The following UNC13B variants were observed in gnomAD, a reference collection of about 807,000 sequenced individuals.
The protein encoded by UNC13B is protein unc-13 homolog B.
In UNC13B, 144 loss-of-function variants were observed where a neutral mutation model predicts 211.0. That is an observed-to-expected ratio of 0.68 (90% CI 0.60 to 0.78). The LOEUF (loss-of-function observed/expected upper bound fraction) is 0.78. Among genes scored for constraint, UNC13B ranks in the 30% least tolerant of loss-of-function variants. UNC13B has a pLI of 0.00. For synonymous variants in UNC13B, 709 were observed against 725.8 expected, an observed-to-expected ratio of 0.98 and a Z score of 0.37; for missense variants, 1,777 against 2,002.0, an observed-to-expected ratio of 0.89 and a Z score of 2.14.
Position 35,236,518 on chromosome 9 carries a change from G to A in UNC13B, c.202G>A (p.Gly68Arg). ...TCTAAGTGTGGAGGTATGGAACAAA[G>A]GACTGATCTGGGACACCATGGTGGG... is the stretch of plus-strand genomic sequence containing the variant. ...LGLSVEVWNK[G>R]LIWDTMVGTV... is the part of the protein sequence containing the mutation. Residue 68 changes from glycine (G) to arginine (R), a missense_variant, in exon 4 of 40, where the codon GGA (glycine) becomes AGA (arginine). Coordinates refer to ENST00000635942, the MANE Select transcript of UNC13B (RefSeq NM_001371189.2). The A allele has an allele frequency of 6.2e-7, 1 of 1,614,098 alleles. No individual in the cohort carries two copies. Among genetic ancestry groups the A allele is most frequent in the East Asian group, 2.2e-5 (1 of 44,884 alleles).
Position 35,310,548 on chromosome 9 carries a change from C to T in UNC13B, c.9090C>T (p.His3030=), listed in dbSNP as rs368657999. 4.6e-5 allele frequency: 75 copies of T among 1,613,986 alleles called. No homozygotes were observed. The highest frequency in any genetic ancestry group is 1.7e-4 in the Admixed American group (10 of 59,974). Residue 3030 remains histidine (H), a synonymous_variant, in exon 10 of 40, where the codon CAC becomes CAT. Coordinates refer to ENST00000635942, the MANE Select transcript of UNC13B (RefSeq NM_001371189.2). ...AGCTAAGTGAACTAGACCAGTATCACGAACAAGATGACGACCATCGGGAGA... is the reference window on the plus strand; with the variant it reads ...AGCTAAGTGAACTAGACCAGTATCATGAACAAGATGACGACCATCGGGAGA... The part of the protein sequence containing the change: ...SSQLSELDQY[H]EQDDDHRETD...
intron 26 of UNC13B, among the ~76,000 whole-genome samples, chr9:35,391,815 A>G (rs1334441121): frequency 1.3e-5 from 2 of 152,194 alleles, no homozygotes; most frequent in Non-Finnish European, 2.9e-5. Context: ...TTCAAACAGA[A>G]GTATCTTAGG....
chr9:35,304,267 A>T lies in UNC13B; in HGVS notation c.4863A>T (p.Glu1621Asp). ...CTTTAGCTTTGCCAAGAAGTGAGGA[A>T]CCATTGTATCTAAATTTAGAAACCT... ...DLSLALPRSE[E>D]PLYLNLETFS... Residue 1621 changes from glutamate (E) to aspartate (D), a missense_variant, in exon 9 of 40, where the codon GAA becomes GAT. Transcript: ENST00000635942. The T allele has an allele frequency of 2.5e-6, 1 of 398,738 alleles. No individual in the cohort carries two copies. The highest frequency in any genetic ancestry group is 4.4e-6 in the Non-Finnish European group (1 of 225,874). 24.7% of individuals were successfully genotyped at this position (398,738 alleles called of 1,614,324 possible).
chr9:35,336,570 C>T (rs990574876), intron 11 of UNC13B, among the ~76,000 whole-genome samples: 3 of 152,118 alleles, frequency 2.0e-5, no homozygotes, highest in African/African-American at 7.2e-5. Flanking sequence ...GATCATGGCT[C>T]ACTGCTGCCT....
chr9:35,322,338 C>T (rs987562887), intron 11 of UNC13B, among the ~76,000 whole-genome samples: 2 of 151,898 alleles, frequency 1.3e-5, no homozygotes, highest in African/African-American at 4.8e-5. Context: ...ACGGAGATTG[C>T]GGTGGCAGCG....
chr9:35,314,920 C>A (rs756371208), intron 11 of UNC13B, among the ~76,000 whole-genome samples: 7 of 115,292 alleles, frequency 6.1e-5, no homozygotes, highest in Non-Finnish European at 1.2e-4. Flanking sequence ...GGTCTTGCTC[C>A]TTTGCCCAGC....
intron 5 of UNC13B, among the ~76,000 whole-genome samples, chr9:35,242,402 A>G (rs1825859965): frequency 6.6e-6 from 1 of 152,236 alleles, no homozygotes; most frequent in Admixed American, 6.5e-5. Flanking sequence ...GAACTTTTTC[A>G]CCTTGCAAAA....
intron 11 of UNC13B, among the ~76,000 whole-genome samples, chr9:35,348,123 A>G (rs1832484162): frequency 6.6e-6 from 1 of 152,196 alleles, no homozygotes; most frequent in Non-Finnish European, 1.5e-5. Context: ...TTATGTCTGC[A>G]GTATTGATCT....
At chr9:35,355,693 T>G (rs1489098792) in intron 11 of UNC13B, among the ~76,000 whole-genome samples, 1 of 152,232 alleles carries the variant, frequency 6.6e-6, no homozygotes, top group East Asian at 1.9e-4. Context: ...TTACCTATTC[T>G]TCAACATATA....
chr9:35,354,123 A>T (rs904239668), intron 11 of UNC13B, among the ~76,000 whole-genome samples: 11 of 152,184 alleles, frequency 7.2e-5, no homozygotes, highest in Non-Finnish European at 1.5e-4. Context: ...TCTGGAGCAG[A>T]AGTAGTTTGC....
At chr9:35,172,737 A>G (rs7047305) in intron 1 of UNC13B, among the ~76,000 whole-genome samples, 1,817 of 152,328 alleles carry the variant, frequency 0.012, 37 homozygotes, top group African/African-American at 0.041. Context: ...AGAAAGGCCA[A>G]TAGAATCAAA....
Position 35,398,299 on chromosome 9 carries a change from G to A in UNC13B, c.11832+11G>A. 1 of 1,611,884 alleles carries A rather than the reference G, an allele frequency of 6.2e-7. No individual in the cohort carries two copies. The highest frequency in any genetic ancestry group is 8.5e-7 in the Non-Finnish European group (1 of 1,178,412). On this transcript the variant is annotated intron_variant, in intron 31 of 39. Coordinates refer to ENST00000635942, the MANE Select transcript of UNC13B (RefSeq NM_001371189.2). ...ATGGGAGGCAAGGAGGTAGGTCTTA[G>A]GGTTTGGGAGTCACTGTATTTTCCC...
chr9:35,217,897 A>G (rs1824346696), intron 1 of UNC13B, among the ~76,000 whole-genome samples: 1 of 152,124 alleles, frequency 6.6e-6, no homozygotes, highest in Non-Finnish European at 1.5e-5. Context: ...TAAAAAAATT[A>G]GCCAGGCGTG....
intron 4 of UNC13B, among the ~76,000 whole-genome samples, chr9:35,236,933 C>A (rs1825546577): frequency 6.6e-6 from 1 of 152,076 alleles, no homozygotes; most frequent in Non-Finnish European, 1.5e-5. Context: ...GGGAGGAGTC[C>A]CATTAAACTT....
chr9:35,366,827 C>A, intron 11 of UNC13B, 120 bp from the exon 12 acceptor site: 1 of 815,472 alleles, frequency 1.2e-6, no homozygotes, highest in Non-Finnish European at 2.1e-6. Context: ...GACAGGCTGT[C>A]ACCACATGGT....
Position 35,235,469 on chromosome 9 carries a change from G to A in UNC13B, c.153-1000G>A, listed in dbSNP as rs753471619. ...CGCCCCGCCCCGGCTTTTTTGGTGG[G>A]GATGGAGTCTGGCTCTGTCACTCAG... On this transcript the variant is annotated intron_variant, in intron 3 of 39. Transcript: ENST00000635942. Among the ~76,000 whole-genome samples, 26 of 151,776 alleles carry A rather than the reference G, an allele frequency of 1.7e-4. No homozygotes were observed. The Middle Eastern group carries it at 0.014, about 79-fold the overall frequency.
chr9:35,281,713 G>A (rs944406485), intron 7 of UNC13B, among the ~76,000 whole-genome samples: 1 of 152,182 alleles, frequency 6.6e-6, no homozygotes, highest in Non-Finnish European at 1.5e-5. Flanking sequence ...GTATAGAATA[G>A]TTACGCTGCC....
chr9:35,396,962 C>G (rs752921758), intron 28 of UNC13B, 25 bp downstream of exon 28: 1 of 1,613,034 alleles, frequency 6.2e-7, no homozygotes, highest in East Asian at 2.2e-5. Flanking sequence ...TTGGCTGCAC[C>G]GGGTTCAGGC....
chr9:35,335,875 T>A (rs1831625509), intron 11 of UNC13B, among the ~76,000 whole-genome samples: 1 of 152,082 alleles, frequency 6.6e-6, no homozygotes, highest in Non-Finnish European at 1.5e-5. Flanking sequence ...GGCTAATTTT[T>A]AAATTTTTCT....
Sources: allele counts gnomAD v4.1 joint callset (sites outside exome capture counted in the v4.1 genomes callset), GRCh38; gene constraint gnomAD v4.1.1; transcripts MANE v1.5; gene names NCBI Gene and HGNC (gene_info 2026-07-23, HGNC 2026-07-21).